Variants in ZNF710 observed in about 807,000 individuals in gnomAD.
ZNF710 encodes zinc finger protein 710.
A neutral mutation model predicts 50.6 loss-of-function variants in ZNF710; 13 were observed. That is an observed-to-expected ratio of 0.26 (90% CI 0.17 to 0.41). The LOEUF is 0.41. ZNF710 is among the 10% of genes least tolerant of loss of function. The pLI, the probability that ZNF710 is intolerant of heterozygous loss-of-function variation, is 1.00. For synonymous variants in ZNF710, 383 were observed against 397.0 expected (o/e 0.96, Z 0.42); for missense variants, 721 against 936.6 (o/e 0.77, Z 3.01).
chr15:90,004,190 G>C (rs1898082454), intron 1 of ZNF710, among the ~76,000 whole-genome samples: 1 of 152,186 alleles, frequency 6.6e-6, no homozygotes, highest in Non-Finnish European at 1.5e-5. Context: ...ACAAGGTCTG[G>C]AATGGTTTTT....
At chr15:90,038,666 C>T (rs554982782) in intron 1 of ZNF710, among the ~76,000 whole-genome samples, 8 of 149,726 alleles carry the variant, frequency 5.3e-5, no homozygotes, top group Non-Finnish European at 8.8e-5. Flanking sequence ...TTGGGTGTTG[C>T]GTTTCTTTAC....
intron 1 of ZNF710, among the ~76,000 whole-genome samples, chr15:90,058,931 A>C (rs1448034560): frequency 6.6e-6 from 1 of 152,146 alleles, no homozygotes; most frequent in African/African-American, 2.4e-5. Context: ...GCCCACCCAC[A>C]TTATGGAGGG....
intron 2 of ZNF710, among the ~76,000 whole-genome samples, chr15:90,072,514 T>TG (rs36064353): frequency 1.3e-5 from 2 of 152,108 alleles, no homozygotes; most frequent in Non-Finnish European, 2.9e-5. Flanking sequence ...GTGCCATTTT[T>TG]GGGGGGGTGT....
chr15:90,068,528 T>C lies in ZNF710; in HGVS notation c.1391T>C (p.Val464Ala). ...AAGCACCAGAACGTGCGACCCTTCG[T>C]GTGCACTGAATGCGGCATGGAGTTC... ...MLKHQNVRPFVCTECGMEFSQ... is the reference protein window; with the variant it reads ...MLKHQNVRPFACTECGMEFSQ... The change falls in exon 2 of 5, where the codon GTG becomes GCG. Residue 464 changes from valine (V) to alanine (A), a missense_variant. By Grantham distance (64) the Val-to-Ala change is moderately conservative. Coordinates refer to ENST00000268154, the MANE Select transcript of ZNF710 (RefSeq NM_198526.4). The surrounding 1 kb of genome is among the most constrained non-coding windows in gnomAD (Gnocchi z 5.0). 1.2e-6 allele frequency: 2 copies of C among 1,612,842 alleles called. No individual in the cohort carries two copies. The highest frequency in any genetic ancestry group is 1.7e-6 in the Non-Finnish European group (2 of 1,180,002).
intron 1 of ZNF710, among the ~76,000 whole-genome samples, chr15:90,057,823 G>A (rs960593809): frequency 1.3e-5 from 2 of 152,032 alleles, no homozygotes; most frequent in Non-Finnish European, 2.9e-5. Flanking sequence ...GTGAGACCCC[G>A]GTATTGGCAT....
intron 1 of ZNF710, among the ~76,000 whole-genome samples, chr15:90,004,825 G>T (rs1283680859): frequency 6.6e-6 from 1 of 152,232 alleles, no homozygotes; most frequent in African/African-American, 2.4e-5. Context: ...TTGGGTAAAT[G>T]GAGCGCCTCA....
At chr15:90,022,029 C>G (rs1400438631) in intron 1 of ZNF710, among the ~76,000 whole-genome samples, 2 of 151,816 alleles carry the variant, frequency 1.3e-5, no homozygotes, top group Admixed American at 1.3e-4. Flanking sequence ...TTGCAGTGAG[C>G]TGAGATCCAG....
chr15:90,002,734 C>G (rs1596258219), intron 1 of ZNF710, among the ~76,000 whole-genome samples: 2 of 152,210 alleles, frequency 1.3e-5, no homozygotes, highest in African/African-American at 2.4e-5. Context: ...GCAACTGCTT[C>G]CCTCCAGTCT....
At position 90,059,833 on chromosome 15, in the gene ZNF710, T is replaced by C. The variant is rs1247240125; in HGVS notation, c.-28-7277T>C. On this transcript the variant is annotated intron_variant, in intron 1 of 4. Transcript: ENST00000268154. The surrounding 1 kb of genome is among the most constrained non-coding windows in gnomAD (Gnocchi z 4.1). The stretch of plus-strand genomic sequence containing the variant: ...GGGGAAACCAAGAGGCTGGTTTCCT[T>C]AGGCGGTGAAATCCCGTGCATGTTT... 6.6e-6 allele frequency among the ~76,000 whole-genome samples: 1 copy of C among 152,198 alleles called. No homozygotes were observed. The highest frequency in any genetic ancestry group is 6.5e-5 in the Admixed American group (1 of 15,290).
chr15:90,042,976 G>A (rs950712515), intron 1 of ZNF710, among the ~76,000 whole-genome samples: 1 of 152,266 alleles, frequency 6.6e-6, no homozygotes, highest in Non-Finnish European at 1.5e-5. Flanking sequence ...CTGGTGGCCT[G>A]TAAAAAGAGC....
intron 1 of ZNF710, among the ~76,000 whole-genome samples, chr15:90,029,325 C>T (rs1019686907): frequency 6.6e-6 from 1 of 152,170 alleles, no homozygotes; most frequent in African/African-American, 2.4e-5. Context: ...GTGAGCTCTC[C>T]TGGTCCAACC....
At position 90,067,387 on chromosome 15, in the gene ZNF710, G is replaced by A. The variant is rs1386572081; in HGVS notation, c.250G>A (p.Val84Met). ...RALEEPAEEE[V>M]LEVEAACEKH... ...CTTGGAGGAGCCGGCGGAGGAGGAG[G>A]TGCTGGAGGTGGAGGCAGCCTGTGA... is the stretch of plus-strand genomic sequence containing the variant. The change falls in exon 2 of 5, where the codon GTG becomes ATG. Residue 84 changes from valine (V) to methionine (M), a missense_variant. This residue lies in a region of ZNF710 where 326 missense variants were observed against 347.1 expected (regional missense o/e 0.94). Transcript: ENST00000268154. This position sits in a 1 kb window ranked among gnomAD's most constrained non-coding sequence, Gnocchi z 8.1. The A allele has an allele frequency of 6.3e-7, 1 of 1,597,276 alleles. No homozygotes were observed. The highest frequency in any genetic ancestry group is 1.3e-5 in the African/African-American group (1 of 74,762).
chr15:90,067,638 G>A lies in ZNF710; in HGVS notation c.501G>A (p.Lys167=). 1 of 1,612,718 alleles carries A rather than the reference G, an allele frequency of 6.2e-7. No homozygotes were observed. The highest frequency in any genetic ancestry group is 1.3e-5 in the African/African-American group (1 of 75,052). The change falls in exon 2 of 5, where the codon AAG becomes AAA. Residue 167 remains lysine (K), a synonymous_variant. Transcript: ENST00000268154. The surrounding 1 kb of genome is among the most constrained non-coding windows in gnomAD (Gnocchi z 8.1). Reference sequence around the variant, plus strand: ...TCGACCTCAGCGCCTTCAGCCGCAAGCCCCGGACGCTCCGGCATCTGCCCC... The same window carrying A: ...TCGACCTCAGCGCCTTCAGCCGCAAACCCCGGACGCTCCGGCATCTGCCCC... The part of the protein sequence containing the change: ...KMIDLSAFSR[K]PRTLRHLPRT...
chr15:90,063,132 G>A (rs1030426040), intron 1 of ZNF710, among the ~76,000 whole-genome samples: 2 of 152,270 alleles, frequency 1.3e-5, no homozygotes, highest in African/African-American at 2.4e-5. Flanking sequence ...TGCCCAGGTC[G>A]TGCCTACGTG....
chr15:90,076,039 T>C (rs1596066365), intron 4 of ZNF710: 1 of 152,274 alleles, frequency 6.6e-6, no homozygotes, highest in Middle Eastern at 3.4e-3. Context: ...CCAGAGTTTC[T>C]GATTCAGTAG....
intron 1 of ZNF710, among the ~76,000 whole-genome samples, chr15:90,005,467 T>TGAGACGGAGTCTCACTCTTTC (rs1450332909): frequency 1.3e-5 from 2 of 152,190 alleles, no homozygotes; most frequent in African/African-American, 2.4e-5. Flanking sequence ...TTTCTTTTTT[T>TGAGACGGAGTCTCACTCTTTC]GAGACGGAGT....
At chr15:90,003,416 C>T (rs1429237836) in intron 1 of ZNF710, among the ~76,000 whole-genome samples, 2 of 152,180 alleles carry the variant, frequency 1.3e-5, no homozygotes, top group African/African-American at 4.8e-5. Context: ...TCTTGGGGGT[C>T]ACTCAGCCAG....
At chr15:90,028,095 G>T (rs1245841177) in intron 1 of ZNF710, among the ~76,000 whole-genome samples, 1 of 152,096 alleles carries the variant, frequency 6.6e-6, no homozygotes, top group Non-Finnish European at 1.5e-5. Flanking sequence ...TAAATTAGAA[G>T]AGTTTTTAAA....
chr15:90,057,850 C>T (rs1899872776), intron 1 of ZNF710, among the ~76,000 whole-genome samples: 1 of 152,056 alleles, frequency 6.6e-6, no homozygotes, highest in Non-Finnish European at 1.5e-5. Flanking sequence ...CAAACGATAC[C>T]AGTTCTGGAA....
Sources: gnomAD v4.1 joint callset for allele counts (sites outside exome capture counted in the v4.1 genomes callset) on GRCh38, gnomAD v4.1.1 for gene constraint, gnomAD v4.1.1 regional missense constraint, Gnocchi (gnomAD v3.1) non-coding constraint, MANE v1.5 for transcripts, NCBI Gene and HGNC (gene_info 2026-07-23, HGNC 2026-07-21) for gene names.